The following FRAS1 variants were observed in gnomAD, a reference collection of about 807,000 sequenced individuals.
FRAS1 encodes Fraser extracellular matrix complex subunit 1.
A neutral mutation model predicts 435.2 loss-of-function variants in FRAS1; 290 were observed. The observed-to-expected ratio is 0.67, with a 90% CI of 0.61 to 0.73. FRAS1 has a LOEUF of 0.73. Ranked by LOEUF, FRAS1 falls within the 30% of genes least tolerant of loss-of-function variation. The probability of loss-of-function intolerance (pLI) is 0.00; values close to 1 mark genes in which losing one functional copy is unlikely to be tolerated. For synonymous variants in FRAS1, 1,800 were observed against 1,851.0 expected (o/e 0.97, Z 0.71); for missense variants, 4,860 against 5,001.5 (o/e 0.97, Z 0.85).
At chr4:78,528,001 G>A (rs1721597489) in intron 70 of FRAS1, among the ~76,000 whole-genome samples, 1 of 152,134 alleles carries the variant, frequency 6.6e-6, no homozygotes, top group South Asian at 2.1e-4. Flanking sequence ...TGAAGAGGCA[G>A]GCAGTGAATC....
In FRAS1 at chr4:78,308,355, G is replaced by A. The variant is rs184863890; in HGVS notation, c.1678+146G>A. On this transcript the variant is annotated intron_variant, in intron 15 of 73. Transcript: ENST00000512123. ...GCTGAGATTAATCTTTGATTTAGAT[G>A]TGCATAACACACTTTCCATCAGTGG... 5 of 885,798 alleles carry A rather than the reference G, an allele frequency of 5.6e-6. No homozygotes were observed. In the African/African-American group the frequency reaches 8.5e-5, roughly 15 times the overall value. The allele number at this position is 885,798 out of a possible 1,614,324, so 54.9% of individuals were successfully genotyped here.
chr4:78,465,393 G>A (rs893555546), intron 49 of FRAS1, among the ~76,000 whole-genome samples: 5 of 152,184 alleles, frequency 3.3e-5, no homozygotes, highest in African/African-American at 1.2e-4. Flanking sequence ...AAAATAAAGG[G>A]AGATGAGGGA....
At chr4:78,152,768 G>A (rs879700324) in intron 2 of FRAS1, among the ~76,000 whole-genome samples, 1 of 152,068 alleles carries the variant, frequency 6.6e-6, no homozygotes, top group Non-Finnish European at 1.5e-5. Context: ...GTGTGCTGAA[G>A]CACCAGTGGG....
At chr4:78,281,785 A>G (rs1727343129) in intron 11 of FRAS1, among the ~76,000 whole-genome samples, 1 of 152,206 alleles carries the variant, frequency 6.6e-6, no homozygotes, top group Admixed American at 6.5e-5. Context: ...TGCTGAAGAA[A>G]GAGCTTCTTG....
intron 51 of FRAS1, among the ~76,000 whole-genome samples, chr4:78,470,988 C>T (rs1304389055): frequency 6.6e-6 from 1 of 152,146 alleles, no homozygotes; most frequent in African/African-American, 2.4e-5. Flanking sequence ...GGCAGAGGCT[C>T]AGCTAAAACA....
intron 2 of FRAS1, 103 bp from the exon 3 acceptor site, chr4:78,237,407 T>G (rs1236211458): frequency 1.3e-6 from 1 of 757,814 alleles, no homozygotes; most frequent in Admixed American, 2.2e-5. Flanking sequence ...GACTTTTCTT[T>G]GTCTTGTAAT....
At chr4:78,447,402 TC>T (rs1275471903) in intron 43 of FRAS1, among the ~76,000 whole-genome samples, 2 of 151,694 alleles carry the variant, frequency 1.3e-5, no homozygotes, top group South Asian at 2.1e-4. Flanking sequence ...TGGCTAAAGT[TC>T]TGGAATGCAA....
intron 26 of FRAS1, among the ~76,000 whole-genome samples, chr4:78,377,159 T>G (rs1458932332): frequency 1.3e-5 from 2 of 152,344 alleles, no homozygotes; most frequent in African/African-American, 4.8e-5. Context: ...GGGACATTAC[T>G]CTGAGTGTTT....
chr4:78,517,487 A>G (rs1721246333), intron 66 of FRAS1, among the ~76,000 whole-genome samples: 1 of 152,260 alleles, frequency 6.6e-6, no homozygotes, highest in Admixed American at 6.5e-5. Context: ...TTAAACCAAC[A>G]CAGAAAAAAC....
intron 50 of FRAS1, among the ~76,000 whole-genome samples, chr4:78,468,042 T>C (rs1270627807): frequency 6.6e-6 from 1 of 152,202 alleles, no homozygotes; most frequent in Non-Finnish European, 1.5e-5. Flanking sequence ...ACTGTGTTGA[T>C]TGTTTTCTTT....
chr4:78,115,525 C>T (rs1743095557), intron 2 of FRAS1, among the ~76,000 whole-genome samples: 1 of 152,278 alleles, frequency 6.6e-6, no homozygotes, highest in East Asian at 1.9e-4. Flanking sequence ...TTGATCTATT[C>T]AGAGATTCAA....
chr4:78,232,194 T>C (rs1239289535), intron 2 of FRAS1, among the ~76,000 whole-genome samples: 1 of 152,202 alleles, frequency 6.6e-6, no homozygotes, highest in Non-Finnish European at 1.5e-5. Context: ...CTGAAAAACA[T>C]GGCCATCTGT....
chr4:78,520,804 T>G (rs779655743), intron 67 of FRAS1, among the ~76,000 whole-genome samples: 12 of 152,232 alleles, frequency 7.9e-5, no homozygotes, highest in Non-Finnish European at 1.6e-4. Context: ...GGGCTGGCAG[T>G]GTAGTCCTTT....
intron 51 of FRAS1, 131 bp from the exon 52 acceptor site, chr4:78,472,049 C>T: frequency 2.1e-6 from 2 of 937,766 alleles, no homozygotes; most frequent in Non-Finnish European, 3.3e-6. Context: ...CCTCTCCAAT[C>T]CTGACAGAGC....
intron 40 of FRAS1, among the ~76,000 whole-genome samples, chr4:78,440,901 C>T (rs1209072662): frequency 6.6e-6 from 1 of 152,098 alleles, no homozygotes; most frequent in Non-Finnish European, 1.5e-5. Flanking sequence ...TGCTTTATAA[C>T]CAGATCCATC....
intron 2 of FRAS1, among the ~76,000 whole-genome samples, chr4:78,223,239 C>T (rs966469747): frequency 3.3e-5 from 5 of 152,098 alleles, no homozygotes; most frequent in Admixed American, 2.6e-4. Context: ...CAGTTAATTT[C>T]CTCTTGGTTT....
At position 78,333,338 on chromosome 4, in the gene FRAS1, C is replaced by T. The variant is rs1295611087; in HGVS notation, c.2204C>T (p.Ser735Phe). Residue 735 changes from serine (S) to phenylalanine (F), a missense_variant, in exon 19 of 74, where the codon TCC (serine) becomes TTC (phenylalanine). Ser to Phe is a radical substitution (Grantham distance 155). Transcript: ENST00000512123. Reference protein sequence around the residue: ...SPHNCTDCGPSHVLLDGQCLS... With the variant: ...SPHNCTDCGPFHVLLDGQCLS... ...CATAACTGCACAGACTGTGGGCCTTCCCATGTGCTGTTGGATGGGCAGTGC... is the reference window on the plus strand; with the variant it reads ...CATAACTGCACAGACTGTGGGCCTTTCCATGTGCTGTTGGATGGGCAGTGC... 1 of 1,612,444 alleles carries T rather than the reference C, an allele frequency of 6.2e-7. No homozygotes were observed. The highest frequency in any genetic ancestry group is 1.3e-5 in the African/African-American group (1 of 74,916).
At chr4:78,265,832 C>A (rs986750655) in intron 7 of FRAS1, among the ~76,000 whole-genome samples, 18 of 152,208 alleles carry the variant, frequency 1.2e-4, no homozygotes, top group African/African-American at 4.3e-4. Context: ...GGGGTCATGA[C>A]TCTCAGTAGA....
chr4:78,381,932 C>T (rs1055603885), intron 27 of FRAS1, among the ~76,000 whole-genome samples: 4 of 152,242 alleles, frequency 2.6e-5, no homozygotes, highest in Non-Finnish European at 4.4e-5. Flanking sequence ...AATAATAAAA[C>T]GAGGTTGGTA....
Sources: gnomAD v4.1 joint callset for allele counts (sites outside exome capture counted in the v4.1 genomes callset) on GRCh38, gnomAD v4.1.1 for gene constraint, MANE v1.5 for transcripts, NCBI Gene and HGNC (gene_info 2026-07-23, HGNC 2026-07-21) for gene names.